SDK1: variants seen among roughly 807,000 people sequenced by gnomAD.
The protein encoded by SDK1 is protein sidekick-1.
Under a neutral mutation model 245.5 loss-of-function variants are expected in SDK1, and 157 were observed. The ratio of observed to expected loss-of-function variants is 0.64; its 90% CI spans 0.56 to 0.73. The LOEUF (loss-of-function observed/expected upper bound fraction) is 0.73, where lower values mean the gene tolerates loss of function less well. Ranked by LOEUF, SDK1 falls within the 30% of genes least tolerant of loss-of-function variation. SDK1 has a pLI of 0.00. For synonymous variants in SDK1, 1,647 were observed against 1,278.5 expected (o/e 1.29, Z -6.15); for missense variants, 3,583 against 3,002.3 (o/e 1.19, Z -4.52).
chr7:3,418,145 G>GCAAAATAAAAAA (rs1292199670), intron 1 of SDK1, among the ~76,000 whole-genome samples: 1 of 119,726 alleles, frequency 8.4e-6, no homozygotes, highest in Non-Finnish European at 1.6e-5. Context: ...TACTAAAAAT[G>GCAAAATAAAAAA]AAAAAAAAAA....
intron 1 of SDK1, among the ~76,000 whole-genome samples, chr7:3,556,039 C>G (rs1779576592): frequency 6.6e-6 from 1 of 152,140 alleles, no homozygotes; most frequent in Admixed American, 6.5e-5. Context: ...ATAGAGCTAC[C>G]ATATGATCCA....
chr7:3,491,141 A>T (rs577251143), intron 1 of SDK1, among the ~76,000 whole-genome samples: 2 of 152,234 alleles, frequency 1.3e-5, no homozygotes, highest in African/African-American at 4.8e-5. Flanking sequence ...AAGTTCAAGC[A>T]TATGCTCATG....
chr7:4,220,579 A>C (rs1785093562), intron 39 of SDK1, among the ~76,000 whole-genome samples: 2 of 151,266 alleles, frequency 1.3e-5, no homozygotes, highest in Admixed American at 1.3e-4. Flanking sequence ...GAAATAAATC[A>C]GAAAATTTTA....
At chr7:3,507,471 T>G (rs780244967) in intron 1 of SDK1, among the ~76,000 whole-genome samples, 2 of 152,232 alleles carry the variant, frequency 1.3e-5, no homozygotes, top group Non-Finnish European at 2.9e-5. Context: ...TAGTCTAGTG[T>G]CAGGAAACCA....
At chr7:3,428,826 A>G (rs1188665848) in intron 1 of SDK1, among the ~76,000 whole-genome samples, 1 of 152,200 alleles carries the variant, frequency 6.6e-6, no homozygotes, top group African/African-American at 2.4e-5. Context: ...TCTGGAACAA[A>G]TAAAAAATCC....
At chr7:3,617,667 G>C (rs1781810944) in intron 1 of SDK1, among the ~76,000 whole-genome samples, 1 of 152,184 alleles carries the variant, frequency 6.6e-6, no homozygotes, top group East Asian at 1.9e-4. Context: ...AGAAGGTCAA[G>C]GGAGTGCATG....
At chr7:3,381,110 CAG>C (rs914634036) in intron 1 of SDK1, among the ~76,000 whole-genome samples, 14 of 152,074 alleles carry the variant, frequency 9.2e-5, no homozygotes, top group South Asian at 6.2e-4. Context: ...TAACATTACT[CAG>C]GGGGAGTATA....
chr7:4,006,039 C>A (rs1015301206), intron 14 of SDK1, among the ~76,000 whole-genome samples: 2 of 152,100 alleles, frequency 1.3e-5, no homozygotes, highest in African/African-American at 4.8e-5. Context: ...TGCACTCCAG[C>A]CTGGATGACA....
intron 19 of SDK1, among the ~76,000 whole-genome samples, chr7:4,056,675 A>T (rs1307364532): frequency 6.6e-6 from 1 of 151,876 alleles, no homozygotes; most frequent in Non-Finnish European, 1.5e-5. Context: ...ACGTAGGGAG[A>T]CTCTCACAGG....
At chr7:3,810,751 T>G (rs1302023641) in intron 4 of SDK1, among the ~76,000 whole-genome samples, 1 of 152,176 alleles carries the variant, frequency 6.6e-6, no homozygotes, top group Non-Finnish European at 1.5e-5. Context: ...TTATGACACA[T>G]AAACACATGT....
chr7:3,854,860 A>C lies in SDK1; in HGVS notation c.847+33277A>C, dbSNP rs537006125. Among the ~76,000 whole-genome samples the C allele has an allele frequency of 9.2e-5, 14 of 152,332 alleles. No homozygotes were observed. In the South Asian group the frequency reaches 2.9e-3, roughly 32 times the overall value. ...ATTATGAGGAATCGCTATAGAGAACAGACAAAGTTGGATTGAAAAGAAACC... is the reference window on the plus strand; with the variant it reads ...ATTATGAGGAATCGCTATAGAGAACCGACAAAGTTGGATTGAAAAGAAACC... On this transcript the variant is annotated intron_variant, in intron 5 of 44. Transcript: ENST00000404826.
At chr7:4,235,852 G>A (rs570255214) in intron 41 of SDK1, among the ~76,000 whole-genome samples, 11 of 152,320 alleles carry the variant, frequency 7.2e-5, no homozygotes, top group East Asian at 1.9e-4. Flanking sequence ...GGCCAGGCCC[G>A]CAGCCAGGGT....
At chr7:3,554,984 A>G (rs149948715) in intron 1 of SDK1, among the ~76,000 whole-genome samples, 79 of 152,352 alleles carry the variant, frequency 5.2e-4, no homozygotes, top group African/African-American at 1.8e-3. Context: ...TGAAGAATCA[A>G]TATTGTTCAA....
At chr7:4,256,749 G>C (rs117300118) in intron 44 of SDK1, among the ~76,000 whole-genome samples, 4,204 of 152,306 alleles carry the variant, frequency 0.028, 106 homozygotes, top group South Asian at 0.11. Context: ...TCTGCTCACC[G>C]TCTTCTCCAG....
At chr7:3,570,098 C>G (rs1207309595) in intron 1 of SDK1, among the ~76,000 whole-genome samples, 1 of 152,198 alleles carries the variant, frequency 6.6e-6, no homozygotes, top group Non-Finnish European at 1.5e-5. Flanking sequence ...TGTGTCACCA[C>G]CAGTGTCCAG....
intron 30 of SDK1, among the ~76,000 whole-genome samples, chr7:4,150,474 C>T (rs1008308631): frequency 1.3e-5 from 2 of 152,190 alleles, no homozygotes; most frequent in East Asian, 1.9e-4. Context: ...GTCAGCTCTG[C>T]GTCCCTGCAG....
chr7:3,605,392 G>C (rs1781389811), intron 1 of SDK1, among the ~76,000 whole-genome samples: 1 of 152,176 alleles, frequency 6.6e-6, no homozygotes, highest in Non-Finnish European at 1.5e-5. Flanking sequence ...ATATTCTCAA[G>C]GAAAAAATGC....
chr7:3,483,509 T>C (rs899863536), intron 1 of SDK1, among the ~76,000 whole-genome samples: 3 of 152,204 alleles, frequency 2.0e-5, no homozygotes, highest in Non-Finnish European at 4.4e-5. Context: ...TTGTAAATTG[T>C]GATAATCATT....
chr7:3,405,180 A>AC (rs1210540880), intron 1 of SDK1, among the ~76,000 whole-genome samples: 37 of 147,346 alleles, frequency 2.5e-4, no homozygotes, highest in African/African-American at 9.5e-4. Context: ...ACAAAAACAA[A>AC]AACAAAAAAC....
Sources: gnomAD v4.1 joint callset for allele counts (sites outside exome capture counted in the v4.1 genomes callset) on GRCh38, gnomAD v4.1.1 for gene constraint, MANE v1.5 for transcripts, NCBI Gene and HGNC (gene_info 2026-07-23, HGNC 2026-07-21) for gene names.